EXOC6B: variants seen among roughly 807,000 people sequenced by gnomAD.
The protein encoded by EXOC6B is SEC15 homolog B.
A neutral mutation model predicts 113.5 loss-of-function variants in EXOC6B; 54 were observed. The ratio of observed to expected loss-of-function variants is 0.48; its 90% confidence interval spans 0.38 to 0.60. The LOEUF is 0.60. EXOC6B is among the 20% of genes least tolerant of loss of function. The pLI is 0.00. For synonymous variants in EXOC6B, 357 were observed against 339.0 expected, an observed-to-expected ratio of 1.05 and a Z score of -0.58; for missense variants, 797 against 977.5, an observed-to-expected ratio of 0.82 and a Z score of 2.46.
At chr2:72,397,577 G>A (rs1319836447) in intron 18 of EXOC6B, among the ~76,000 whole-genome samples, 40 of 145,984 alleles carry the variant, frequency 2.7e-4, no homozygotes, top group South Asian at 1.9e-3. Flanking sequence ...CCGAGATCAC[G>A]CCACTGCACT....
At chr2:72,477,571 T>A (rs562938484) in intron 17 of EXOC6B, among the ~76,000 whole-genome samples, 1 of 152,308 alleles carries the variant, frequency 6.6e-6, no homozygotes, top group East Asian at 1.9e-4. Context: ...AAAACCAGTA[T>A]CACATTAAAT....
intron 20 of EXOC6B, among the ~76,000 whole-genome samples, chr2:72,203,694 T>C (rs1355260495): frequency 6.6e-6 from 1 of 152,190 alleles, no homozygotes; most frequent in Non-Finnish European, 1.5e-5. Context: ...CAATTATTCC[T>C]GCTCCTGATA....
At chr2:72,763,854 G>T (rs1343688485) in intron 1 of EXOC6B, among the ~76,000 whole-genome samples, 1 of 152,106 alleles carries the variant, frequency 6.6e-6, no homozygotes, top group Admixed American at 6.6e-5. Flanking sequence ...GCCAAGGCAG[G>T]CAGATTGCTT....
chr2:72,657,087 G>A (rs1179558860), intron 6 of EXOC6B, among the ~76,000 whole-genome samples: 2 of 152,196 alleles, frequency 1.3e-5, no homozygotes, highest in African/African-American at 4.8e-5. Context: ...CCGACCTCAG[G>A]TGATCCGACC....
intron 1 of EXOC6B, among the ~76,000 whole-genome samples, chr2:72,764,044 ACT>A (rs1682908719): frequency 6.6e-6 from 1 of 152,050 alleles, no homozygotes; most frequent in South Asian, 2.1e-4. Flanking sequence ...GTACCCCTGC[ACT>A]CCAGCATGGG....
intron 1 of EXOC6B, among the ~76,000 whole-genome samples, chr2:72,743,005 G>A (rs996645505): frequency 1.3e-5 from 2 of 151,764 alleles, no homozygotes; most frequent in African/African-American, 2.4e-5. Flanking sequence ...TTTCCCAACC[G>A]CCTACCCATC....
intron 6 of EXOC6B, among the ~76,000 whole-genome samples, chr2:72,662,636 G>T (rs114209956): frequency 6.6e-6 from 1 of 152,066 alleles, no homozygotes; most frequent in African/African-American, 2.4e-5. Flanking sequence ...AAAACCTAGG[G>T]GAAAAAGCCA....
chr2:72,815,837 T>A (rs1003034946), intron 1 of EXOC6B, among the ~76,000 whole-genome samples: 2 of 152,186 alleles, frequency 1.3e-5, no homozygotes, highest in Non-Finnish European at 2.9e-5. Context: ...ATCTTACTTG[T>A]GGGAATCTAT....
chr2:72,622,243 A>C (rs1437097978), intron 6 of EXOC6B, among the ~76,000 whole-genome samples: 2 of 150,872 alleles, frequency 1.3e-5, no homozygotes, highest in South Asian at 2.1e-4. Flanking sequence ...AAAAAAAAAA[A>C]CTCTTCTCAG....
chr2:72,260,120 G>A (rs1203378298), intron 20 of EXOC6B, among the ~76,000 whole-genome samples: 1 of 152,014 alleles, frequency 6.6e-6, no homozygotes, highest in Admixed American at 6.6e-5. Flanking sequence ...AGAAAATGTA[G>A]CAGTGATTGA....
At chr2:72,264,387 A>T (rs1683918908) in intron 20 of EXOC6B, among the ~76,000 whole-genome samples, 3 of 152,128 alleles carry the variant, frequency 2.0e-5, no homozygotes. Flanking sequence ...CCTGGCCAGC[A>T]TGGTGAAACC....
At chr2:72,724,535 G>A (rs1469561644) in intron 5 of EXOC6B, among the ~76,000 whole-genome samples, 1 of 151,910 alleles carries the variant, frequency 6.6e-6, no homozygotes, top group East Asian at 1.9e-4. Context: ...TCAACATAAT[G>A]TTCATTAATC....
chr2:72,767,017 G>A (rs1404171033), intron 1 of EXOC6B, among the ~76,000 whole-genome samples: 3 of 150,704 alleles, frequency 2.0e-5, no homozygotes, highest in Non-Finnish European at 1.5e-5. Context: ...ACAAGGAAAG[G>A]ACAGGATGTA....
chr2:72,510,772 G>T (rs555325403), intron 11 of EXOC6B, among the ~76,000 whole-genome samples: 1 of 151,466 alleles, frequency 6.6e-6, no homozygotes, highest in Non-Finnish European at 1.5e-5. Context: ...TTATATGTTA[G>T]AACATACAAC....
chr2:72,669,016 G>A (rs1262287616), intron 6 of EXOC6B, among the ~76,000 whole-genome samples: 4 of 152,128 alleles, frequency 2.6e-5, no homozygotes, highest in East Asian at 1.9e-4. Flanking sequence ...GAGCCCAGAC[G>A]TTTGAGTCTA....
chr2:72,775,731 G>C (rs1465710965), intron 1 of EXOC6B, among the ~76,000 whole-genome samples: 1 of 152,212 alleles, frequency 6.6e-6, no homozygotes, highest in Non-Finnish European at 1.5e-5. Context: ...AATGGAGACA[G>C]TGGTTGGCAG....
chr2:72,554,078 A>C (rs894079028), intron 8 of EXOC6B, among the ~76,000 whole-genome samples: 6 of 152,216 alleles, frequency 3.9e-5, no homozygotes, highest in Admixed American at 3.3e-4. Flanking sequence ...TTGAAAATGA[A>C]GCCTGCAGTG....
At chr2:72,528,441 C>T (rs1208744721) in intron 8 of EXOC6B, among the ~76,000 whole-genome samples, 1 of 152,058 alleles carries the variant, frequency 6.6e-6, no homozygotes, top group Non-Finnish European at 1.5e-5. Context: ...ATTGCTATAG[C>T]TACATAATAA....
chr2:72,507,594 AT>A (rs1171726400), intron 11 of EXOC6B, among the ~76,000 whole-genome samples: 1 of 152,094 alleles, frequency 6.6e-6, no homozygotes, highest in Non-Finnish European at 1.5e-5. Context: ...AAATAATAAA[AT>A]GAAACTCCAT....
Sources: gnomAD v4.1 joint callset for allele counts (sites outside exome capture counted in the v4.1 genomes callset) on GRCh38, gnomAD v4.1.1 for gene constraint, MANE v1.5 for transcripts, NCBI Gene and HGNC (gene_info 2026-07-23, HGNC 2026-07-21) for gene names.